Variants in PDE4D observed in about 807,000 individuals in gnomAD.
The protein encoded by PDE4D is phosphodiesterase 4D.
PDE4D carries 24 observed loss-of-function variants against 87.4 expected under a neutral mutation model. That is an observed-to-expected ratio of 0.27 (90% CI 0.20 to 0.39). PDE4D has a LOEUF of 0.39. Among genes scored for constraint, PDE4D ranks in the 10% least tolerant of loss-of-function variants. The pLI is 1.00. For missense variants in PDE4D, 714 were observed against 1,041.0 expected (o/e 0.69, Z 4.32); for synonymous variants, 384 against 383.2 (o/e 1.00, Z -0.02).
chr5:59,582,617 C>G lies in PDE4D; in HGVS notation c.455+310551G>C, dbSNP rs565716880. ...GGATTTAGATCAAAACAGAATAAAACAGTATGAGTTAGTTTATGAATTGAA... is the reference window on the plus strand; with the variant it reads ...GGATTTAGATCAAAACAGAATAAAAGAGTATGAGTTAGTTTATGAATTGAA... On this transcript the variant is annotated intron_variant, in intron 1 of 14. Transcript: ENST00000340635. Among the ~76,000 whole-genome samples, 4 of 152,222 alleles carry G rather than the reference C, an allele frequency of 2.6e-5. No individual in the cohort carries two copies. In the East Asian group the frequency reaches 7.7e-4, roughly 29 times the overall value.
At chr5:59,173,829 T>C (rs986756089) in intron 5 of PDE4D, among the ~76,000 whole-genome samples, 2 of 152,240 alleles carry the variant, frequency 1.3e-5, no homozygotes, top group Non-Finnish European at 2.9e-5. Context: ...CATGTTTTAC[T>C]TCAGTATCTC....
chr5:59,581,979 G>A (rs924957031), intron 1 of PDE4D, among the ~76,000 whole-genome samples: 32 of 152,258 alleles, frequency 2.1e-4, no homozygotes, highest in African/African-American at 7.2e-4. Flanking sequence ...AGATGAGTTT[G>A]TATAATTATG....
intron 1 of PDE4D, among the ~76,000 whole-genome samples, chr5:60,511,882 C>G (rs1373725316): frequency 6.6e-6 from 1 of 152,064 alleles, no homozygotes; most frequent in East Asian, 1.9e-4. Flanking sequence ...TTCAAGCACT[C>G]TATTAATGCT....
chr5:59,818,357 A>G (rs955030189), intron 1 of PDE4D, among the ~76,000 whole-genome samples: 1 of 152,320 alleles, frequency 6.6e-6, no homozygotes, highest in African/African-American at 2.4e-5. Flanking sequence ...TAATATATGT[A>G]AAGTGCATGG....
chr5:59,507,862 G>A (rs1466627430), intron 1 of PDE4D, among the ~76,000 whole-genome samples: 1 of 151,968 alleles, frequency 6.6e-6, no homozygotes. Context: ...GGCTTCTACA[G>A]CTTAGCAATA....
At chr5:59,746,700 G>GTATCT (rs1759659057) in intron 1 of PDE4D, among the ~76,000 whole-genome samples, 1 of 151,846 alleles carries the variant, frequency 6.6e-6, no homozygotes, top group Admixed American at 6.6e-5. Context: ...TTATGCTCCT[G>GTATCT]TATCTTCAGC....
At position 59,080,639 on chromosome 5, in the gene PDE4D, C is replaced by T. The variant is rs1018132719; in HGVS notation, c.809-41668G>A. Among the ~76,000 whole-genome samples the T allele has an allele frequency of 2.6e-5, 4 of 152,240 alleles. No homozygotes were observed. The South Asian group carries it at 8.3e-4, about 32-fold the overall frequency. ...CTTAGGCAAAAGCTACAGGGCAAAA[C>T]GGGGGCCCCAAACTTCTATCACGTC... On this transcript the variant is annotated intron_variant, in intron 5 of 14. Transcript: ENST00000340635.
intron 1 of PDE4D, among the ~76,000 whole-genome samples, chr5:60,374,496 G>A (rs937114706): frequency 1.3e-5 from 2 of 152,066 alleles, no homozygotes; most frequent in Non-Finnish European, 2.9e-5. Flanking sequence ...AGAATAATTC[G>A]GTCTGAGAGT....
chr5:59,703,805 T>C (rs1345600680), intron 1 of PDE4D: 2 of 274,306 alleles, frequency 7.3e-6, no homozygotes, highest in Non-Finnish European at 1.5e-5. Flanking sequence ...GCAACATACA[T>C]ACATTCAAGA....
intron 1 of PDE4D, among the ~76,000 whole-genome samples, chr5:60,432,752 A>C (rs1390966955): frequency 3.9e-5 from 6 of 152,170 alleles, no homozygotes; most frequent in Admixed American, 3.9e-4. Flanking sequence ...CTGGAACAGA[A>C]TAGGGAGCCC....
chr5:59,474,444 T>C (rs764026092), intron 1 of PDE4D, among the ~76,000 whole-genome samples: 1 of 152,154 alleles, frequency 6.6e-6, no homozygotes, highest in Non-Finnish European at 1.5e-5. Context: ...CATGGTAAGA[T>C]TGCCCTTAGC....
chr5:59,394,889 C>T lies in PDE4D; in HGVS notation c.456-178921G>A, dbSNP rs554639053. Among the ~76,000 whole-genome samples, 8 of 152,124 alleles carry T rather than the reference C, an allele frequency of 5.3e-5. 1 individual carries two copies. In the South Asian group the frequency reaches 6.2e-4, roughly 12 times the overall value. ...GTGGGTGCGCGCACCGTGCACAAGC[C>T]GAAGCAGGGCGAGGCATTGCCTCAC... On this transcript the variant is annotated intron_variant, in intron 1 of 14. Coordinates refer to ENST00000340635, the MANE Select transcript of PDE4D (RefSeq NM_001104631.2).
At chr5:59,154,948 G>T (rs76864864) in intron 5 of PDE4D, among the ~76,000 whole-genome samples, 3,334 of 152,200 alleles carry the variant, frequency 0.022, 135 homozygotes, top group African/African-American at 0.076. Flanking sequence ...TATAAGTTTC[G>T]ATCTTGGCTA....
chr5:59,174,289 G>GT (rs1783476826), intron 5 of PDE4D: 1 of 149,526 alleles, frequency 6.7e-6, no homozygotes, highest in Non-Finnish European at 1.5e-5. Context: ...TGCACTTACT[G>GT]TTTTTAATGA....
intron 1 of PDE4D, among the ~76,000 whole-genome samples, chr5:59,376,347 G>A (rs1047746683): frequency 3.3e-5 from 5 of 152,170 alleles, no homozygotes; most frequent in Middle Eastern, 3.4e-3. Context: ...TTCAGGATAT[G>A]AAATTAATGT....
intron 5 of PDE4D, among the ~76,000 whole-genome samples, chr5:59,127,298 T>C (rs572661376): frequency 1.3e-5 from 2 of 152,314 alleles, no homozygotes; most frequent in East Asian, 3.9e-4. Flanking sequence ...CATATCAGTT[T>C]TACCTCAGCA....
chr5:60,146,806 A>T (rs1781036497), intron 2 of PDE4D, among the ~76,000 whole-genome samples: 1 of 152,170 alleles, frequency 6.6e-6, no homozygotes, highest in African/African-American at 2.4e-5. Context: ...ATTTTTTAAA[A>T]AGGTAAAGGA....
chr5:59,239,743 C>G (rs1440115548), intron 1 of PDE4D, among the ~76,000 whole-genome samples: 1 of 152,112 alleles, frequency 6.6e-6, no homozygotes, highest in Non-Finnish European at 1.5e-5. Context: ...CGTACTGTGG[C>G]AAAAACTACA....
intron 1 of PDE4D, among the ~76,000 whole-genome samples, chr5:59,775,273 A>T (rs898143155): frequency 5.3e-5 from 8 of 152,108 alleles, no homozygotes; most frequent in African/African-American, 1.9e-4. Context: ...ATAACCAAAC[A>T]TTTTGTCTGC....
Sources: allele counts gnomAD v4.1 joint callset (sites outside exome capture counted in the v4.1 genomes callset), GRCh38; gene constraint gnomAD v4.1.1; transcripts MANE v1.5; gene names NCBI Gene and HGNC (gene_info 2026-07-23, HGNC 2026-07-21).